Variants in GABRG3 observed in about 807,000 individuals in gnomAD.
GABRG3 encodes the protein gamma-aminobutyric acid receptor subunit gamma-3.
Under a neutral mutation model 48.8 loss-of-function variants are expected in GABRG3, and 25 were observed. The ratio of observed to expected loss-of-function variants is 0.51; its 90% CI spans 0.37 to 0.72. The LOEUF is 0.72. Among genes scored for constraint, GABRG3 ranks in the 30% least tolerant of loss-of-function variants. The pLI is 0.00. For missense variants in GABRG3, 394 were observed against 577.9 expected (o/e 0.68, Z 3.26); for synonymous variants, 227 against 217.6 (o/e 1.04, Z -0.38).
chr15:27,144,012 G>A (rs1898152891), intron 3 of GABRG3, among the ~76,000 whole-genome samples: 1 of 152,118 alleles, frequency 6.6e-6, no homozygotes, highest in Admixed American at 6.5e-5. Context: ...CCATTAACAA[G>A]CCTTATGAAA....
At chr15:27,335,249 A>G (rs74004985) in intron 5 of GABRG3, among the ~76,000 whole-genome samples, 11,347 of 144,556 alleles carry the variant, frequency 0.078, 872 homozygotes, top group African/African-American at 0.23. Flanking sequence ...TTACGGGTAT[A>G]TTCCTAGAAG....
intron 2 of GABRG3, among the ~76,000 whole-genome samples, chr15:27,020,573 G>A (rs1310203713): frequency 2.7e-5 from 3 of 111,760 alleles, no homozygotes; most frequent in Admixed American, 8.4e-5. Context: ...CACCACGCCC[G>A]GCTAATTTTT....
chr15:27,028,247 G>C (rs1896019164), intron 3 of GABRG3, among the ~76,000 whole-genome samples: 1 of 152,146 alleles, frequency 6.6e-6, no homozygotes, highest in Non-Finnish European at 1.5e-5. Flanking sequence ...AAACTTGACG[G>C]ATAGGCAAGA....
intron 5 of GABRG3, among the ~76,000 whole-genome samples, chr15:27,391,909 G>A (rs1482599773): frequency 3.9e-5 from 6 of 152,210 alleles, no homozygotes; most frequent in Non-Finnish European, 7.3e-5. Flanking sequence ...CACTGTCCAC[G>A]CATTTACTAC....
At chr15:26,981,780 G>A (rs1441219762) in intron 2 of GABRG3, among the ~76,000 whole-genome samples, 1 of 152,174 alleles carries the variant, frequency 6.6e-6, no homozygotes, top group Non-Finnish European at 1.5e-5. Flanking sequence ...AGGCTCCACT[G>A]CCTGATAGCT....
At chr15:27,339,773 G>C (rs1381898865) in intron 5 of GABRG3, among the ~76,000 whole-genome samples, 1 of 152,230 alleles carries the variant, frequency 6.6e-6, no homozygotes, top group Non-Finnish European at 1.5e-5. Context: ...AATTTGTTCA[G>C]AGAGGTTAAG....
chr15:27,500,765 C>T (rs979395403), intron 6 of GABRG3, among the ~76,000 whole-genome samples: 1 of 151,872 alleles, frequency 6.6e-6, no homozygotes, highest in Non-Finnish European at 1.5e-5. Flanking sequence ...GTACCACAGT[C>T]TGATCATCTG....
At chr15:27,141,596 G>T (rs985698317) in intron 3 of GABRG3, among the ~76,000 whole-genome samples, 6 of 152,224 alleles carry the variant, frequency 3.9e-5, no homozygotes, top group African/African-American at 1.4e-4. Context: ...AGCTACTCAT[G>T]TAGGACAAAT....
chr15:27,063,361 G>A (rs1896683860), intron 3 of GABRG3, among the ~76,000 whole-genome samples: 1 of 152,238 alleles, frequency 6.6e-6, no homozygotes, highest in African/African-American at 2.4e-5. Flanking sequence ...CTGTTAAAAT[G>A]CGATCCTCAG....
chr15:27,274,401 G>C (rs935015486), intron 3 of GABRG3, among the ~76,000 whole-genome samples: 1 of 152,128 alleles, frequency 6.6e-6, no homozygotes, highest in Non-Finnish European at 1.5e-5. Context: ...TTTGTGTCTT[G>C]TCATAACATG....
At chr15:27,218,608 G>C (rs1595593161) in intron 3 of GABRG3, among the ~76,000 whole-genome samples, 1 of 152,296 alleles carries the variant, frequency 6.6e-6, no homozygotes, top group African/African-American at 2.4e-5. Context: ...ACTCAGTTGA[G>C]TGTGGTGTCC....
At chr15:27,290,944 A>G (rs980679831) in intron 3 of GABRG3, among the ~76,000 whole-genome samples, 4 of 152,192 alleles carry the variant, frequency 2.6e-5, no homozygotes, top group Non-Finnish European at 5.9e-5. Context: ...CACCACTGCA[A>G]TTTTTCTGTA....
rs771165582 is a variant in GABRG3, at chr15:27,527,561, A to T, written c.994A>T (p.Met332Leu). The change falls in exon 8 of 10, where the codon ATG (methionine) becomes TTG (leucine). Residue 332 changes from methionine (M) to leucine (L), a missense_variant. Physicochemically the swap from Met to Leu is conservative, Grantham distance 15. Around this residue, in one of 3 missense-constraint regions of GABRG3, gnomAD observed 50 missense variants for 112.5 expected, o/e 0.44. Transcript: ENST00000615808. ...CTTCCTGTTTGTCTTCGCCGCGCTGATGGAGTATGCCACCCTCAACTACTA... is the reference window on the plus strand; with the variant it reads ...CTTCCTGTTTGTCTTCGCCGCGCTGTTGGAGTATGCCACCCTCAACTACTA... ...VCFLFVFAALMEYATLNYYSS... is the reference protein window; with the variant it reads ...VCFLFVFAALLEYATLNYYSS... The T allele has an allele frequency of 1.9e-6, 3 of 1,613,754 alleles. No individual in the cohort carries two copies. In the African/African-American group the frequency reaches 4.0e-5, roughly 22 times the overall value.
chr15:27,491,385 C>G (rs1021687127), intron 6 of GABRG3, among the ~76,000 whole-genome samples: 4 of 152,220 alleles, frequency 2.6e-5, no homozygotes, highest in Admixed American at 6.5e-5. Context: ...GACAGGCAGC[C>G]CAGTCCAGTC....
intron 2 of GABRG3, among the ~76,000 whole-genome samples, chr15:27,003,922 G>A (rs1895516405): frequency 6.7e-6 from 1 of 149,172 alleles, no homozygotes; most frequent in Non-Finnish European, 1.5e-5. Context: ...TTCCCAGTAG[G>A]GGCGGCCGGG....
chr15:27,305,657 TATATA>T lies in GABRG3; in HGVS notation c.271-21145_271-21141del, dbSNP rs1383689716. 1.3e-4 allele frequency among the ~76,000 whole-genome samples: 16 copies of T among 126,280 alleles called. No individual in the cohort carries two copies. In the East Asian group the frequency reaches 2.2e-3, roughly 17 times the overall value. The allele number at this position is 126,280 out of a possible 152,430, so 82.8% of individuals were successfully genotyped here. A position where few individuals can be genotyped will look rare whatever the true frequency, so the allele number is the denominator to read the frequency against. ...AAACCTATATGTTTATATATAAACA[TATATA>T]ATATAAACCTATATGTTTATATATA... is the stretch of plus-strand genomic sequence containing the variant. On this transcript the variant is annotated intron_variant, in intron 3 of 9. Transcript: ENST00000615808.
chr15:27,291,426 C>T (rs912592346), intron 3 of GABRG3, among the ~76,000 whole-genome samples: 1 of 152,148 alleles, frequency 6.6e-6, no homozygotes, highest in African/African-American at 2.4e-5. Context: ...GAAATATTAG[C>T]GTAACCTTGG....
At chr15:27,427,403 C>T (rs188235376) in intron 5 of GABRG3, among the ~76,000 whole-genome samples, 8 of 152,256 alleles carry the variant, frequency 5.3e-5, no homozygotes, top group South Asian at 2.1e-4. Flanking sequence ...GTTCAGGTTC[C>T]GCCTTGTGCA....
At chr15:27,513,444 C>T (rs531259825) in intron 6 of GABRG3, among the ~76,000 whole-genome samples, 11 of 147,286 alleles carry the variant, frequency 7.5e-5, no homozygotes, top group Non-Finnish European at 1.0e-4. Context: ...AGTAAGACTC[C>T]GTCTCAAAAA....
Sources: allele counts gnomAD v4.1 joint callset (sites outside exome capture counted in the v4.1 genomes callset), GRCh38; gene constraint gnomAD v4.1.1; regional missense constraint gnomAD v4.1.1; transcripts MANE v1.5; gene names NCBI Gene and HGNC (gene_info 2026-07-23, HGNC 2026-07-21).